OXR1: variants seen among roughly 807,000 people sequenced by gnomAD.
OXR1 encodes the protein oxidation resistance protein 1.
OXR1 carries 41 observed loss-of-function variants against 104.6 expected under a neutral mutation model. That is an observed-to-expected ratio of 0.39 (90% confidence interval 0.31 to 0.51). The LOEUF is 0.51. Ranked by LOEUF, OXR1 falls within the 20% of genes least tolerant of loss-of-function variation. The pLI is 0.77. For synonymous variants in OXR1, 348 were observed against 348.4 expected (o/e 1.00, Z 0.01); for missense variants, 955 against 1,031.9 (o/e 0.93, Z 1.02).
chr8:106,710,979 TA>T (rs1414943416), intron 10 of OXR1, among the ~76,000 whole-genome samples, 189 bp downstream of exon 10: 1 of 152,104 alleles, frequency 6.6e-6, no homozygotes, highest in African/African-American at 2.4e-5. Flanking sequence ...TTCCCTTTTG[TA>T]GTTTATTATT....
At chr8:106,285,546 T>C (rs1410010576) in intron 1 of OXR1, among the ~76,000 whole-genome samples, 1 of 152,002 alleles carries the variant, frequency 6.6e-6, no homozygotes, top group African/African-American at 2.4e-5. Context: ...TTCTGAAACG[T>C]TTCATGTGAA....
chr8:106,642,550 A>G (rs1045900018), intron 3 of OXR1, among the ~76,000 whole-genome samples: 1 of 151,996 alleles, frequency 6.6e-6, no homozygotes, highest in Admixed American at 6.6e-5. Context: ...ACCAATAGGG[A>G]CTCTCTGGCC....
At position 106,293,734 on chromosome 8, in the gene OXR1, A is replaced by G. The variant is rs117444352; in HGVS notation, c.-139+23367A>G. Among the ~76,000 whole-genome samples, 343 of 152,132 alleles carry G rather than the reference A, an allele frequency of 2.3e-3. 1 individual carries two copies. The highest frequency in any genetic ancestry group is 5.5e-3 in the Admixed American group (84 of 15,280). On this transcript the variant is annotated intron_variant, in intron 1 of 16. Coordinates refer to ENST00000517566, the MANE Select transcript of OXR1 (RefSeq NM_001198533.2). Reference sequence around the variant, plus strand: ...AGACAGAAGGGCAAGAGAGGGACAAACTCTTTGTCCTTACATGGCAAAAGG... The same window carrying G: ...AGACAGAAGGGCAAGAGAGGGACAAGCTCTTTGTCCTTACATGGCAAAAGG...
At chr8:106,610,892 G>T (rs761066107) in intron 3 of OXR1, among the ~76,000 whole-genome samples, 4 of 152,132 alleles carry the variant, frequency 2.6e-5, no homozygotes, top group Non-Finnish European at 5.9e-5. Flanking sequence ...CGTCAATAAG[G>T]TTTTCCTTAA....
intron 2 of OXR1, among the ~76,000 whole-genome samples, chr8:106,462,151 A>G (rs1337859177): frequency 1.3e-5 from 2 of 152,188 alleles, no homozygotes; most frequent in East Asian, 1.9e-4. Context: ...ATGGAAAAGG[A>G]TAATAATCTG....
intron 3 of OXR1, among the ~76,000 whole-genome samples, chr8:106,581,658 T>C (rs1487448771): frequency 6.6e-6 from 1 of 152,192 alleles, no homozygotes; most frequent in East Asian, 1.9e-4. Flanking sequence ...GAACTTCTAA[T>C]ACATTTAATG....
intron 1 of OXR1, among the ~76,000 whole-genome samples, chr8:106,335,410 T>C (rs907453934): frequency 6.6e-6 from 1 of 152,218 alleles, no homozygotes; most frequent in Non-Finnish European, 1.5e-5. Flanking sequence ...AACAGTGATA[T>C]GGAGTAAATG....
intron 1 of OXR1, among the ~76,000 whole-genome samples, chr8:106,317,026 A>G (rs983309347): frequency 6.6e-6 from 1 of 152,064 alleles, no homozygotes; most frequent in Admixed American, 6.6e-5. Context: ...ATGTGTCACC[A>G]TGCCCAGCTA....
chr8:106,495,564 C>T (rs939676617), intron 2 of OXR1, among the ~76,000 whole-genome samples: 3 of 152,108 alleles, frequency 2.0e-5, no homozygotes, highest in African/African-American at 4.8e-5. Context: ...GTTCTTTCTA[C>T]GTTTTGTAAA....
chr8:106,540,632 T>C (rs1320714831), intron 3 of OXR1, among the ~76,000 whole-genome samples: 1 of 152,168 alleles, frequency 6.6e-6, no homozygotes, highest in Non-Finnish European at 1.5e-5. Context: ...TTCATGTTGC[T>C]AATAAAGACA....
At chr8:106,551,276 A>C (rs867891331) in intron 3 of OXR1, among the ~76,000 whole-genome samples, 4 of 152,356 alleles carry the variant, frequency 2.6e-5, no homozygotes, top group South Asian at 2.1e-4. Flanking sequence ...TATAGGGCTC[A>C]ATAATTGCTG....
intron 1 of OXR1, among the ~76,000 whole-genome samples, chr8:106,306,967 T>C (rs1813487856): frequency 6.6e-6 from 1 of 152,118 alleles, no homozygotes; most frequent in African/African-American, 2.4e-5. Flanking sequence ...ATAAAAAGGA[T>C]TGCCAAGATG....
In OXR1 at chr8:106,342,336, G is replaced by A. The variant is rs949947916; in HGVS notation, c.-138-17140G>A. Among the ~76,000 whole-genome samples, 11 of 149,148 alleles carry A rather than the reference G, an allele frequency of 7.4e-5. No homozygotes were observed. The East Asian group carries it at 1.2e-3, about 16-fold the overall frequency. On this transcript the variant is annotated intron_variant, in intron 1 of 16. Transcript: ENST00000517566. ...CACGATCTCAGCTCACTGCAACCTC[G>A]GCCTCCCAGGTTCAAGCAATTATCC...
chr8:106,474,567 A>G (rs930233393), intron 2 of OXR1, among the ~76,000 whole-genome samples: 1 of 151,916 alleles, frequency 6.6e-6, no homozygotes, highest in African/African-American at 2.4e-5. Context: ...TTTGTGACAC[A>G]TGAAAACTAC....
chr8:106,573,950 A>G (rs1290182658), intron 3 of OXR1, among the ~76,000 whole-genome samples: 1 of 152,182 alleles, frequency 6.6e-6, no homozygotes, highest in Non-Finnish European at 1.5e-5. Context: ...CTTAGAAGAA[A>G]TTTAGATGGC....
chr8:106,709,886 T>G (rs1341300109), intron 9 of OXR1, among the ~76,000 whole-genome samples: 4 of 152,058 alleles, frequency 2.6e-5, no homozygotes, highest in Non-Finnish European at 5.9e-5. Flanking sequence ...ATGAAAATAG[T>G]GGGGTTCCCA....
Position 106,521,539 on chromosome 8 carries a change from G to GTA in OXR1, c.220+2401_220+2402insAT, listed in dbSNP as rs567071036. 1.6e-4 allele frequency among the ~76,000 whole-genome samples: 25 copies of GTA among 152,274 alleles called. No individual in the cohort carries two copies. In the East Asian group the frequency reaches 4.8e-3, roughly 29 times the overall value. Reference sequence around the variant, plus strand: ...GAGGAGTGTTGTTGTTTGAGACGGAGTCTTGCTCTGTTGCCCAGGCTGGAG... The same window carrying GTA: ...GAGGAGTGTTGTTGTTTGAGACGGAGTATCTTGCTCTGTTGCCCAGGCTGGAG... On this transcript the variant is annotated intron_variant, in intron 3 of 16. Coordinates refer to ENST00000517566, the MANE Select transcript of OXR1 (RefSeq NM_001198533.2).
intron 1 of OXR1, among the ~76,000 whole-genome samples, chr8:106,347,830 C>G (rs1815561983): frequency 6.6e-6 from 1 of 152,054 alleles, no homozygotes; most frequent in African/African-American, 2.4e-5. Flanking sequence ...TTCAGTATTT[C>G]TTAAATAATA....
intron 2 of OXR1, among the ~76,000 whole-genome samples, chr8:106,455,009 C>T (rs1312515345): frequency 6.6e-6 from 1 of 152,128 alleles, no homozygotes; most frequent in Non-Finnish European, 1.5e-5. Flanking sequence ...TTTGTCTGTA[C>T]CCTTGCTGCT....
Sources: gnomAD v4.1 joint callset for allele counts (sites outside exome capture counted in the v4.1 genomes callset) on GRCh38, gnomAD v4.1.1 for gene constraint, MANE v1.5 for transcripts, NCBI Gene and HGNC (gene_info 2026-07-23, HGNC 2026-07-21) for gene names.